CHST8: variants seen among roughly 807,000 people sequenced by gnomAD.
CHST8 encodes the protein GALNAC-4-ST1.
A neutral mutation model predicts 15.0 loss-of-function variants in CHST8; 10 were observed. The observed-to-expected ratio is 0.67, with a 90% CI of 0.41 to 1.13. The LOEUF (loss-of-function observed/expected upper bound fraction) is 1.13, where lower values mean the gene tolerates loss of function less well. Ranked by LOEUF, CHST8 falls within the 50% of genes most tolerant of loss-of-function variation. The pLI is 0.00. For synonymous variants in CHST8, 259 were observed against 256.6 expected (o/e 1.01, Z -0.09); for missense variants, 634 against 608.2 (o/e 1.04, Z -0.45).
In CHST8 at chr19:33,757,458, GAAAGAAAGAAAGAAAGAAA is replaced by G. The variant is rs1974588544; in HGVS notation, c.131-13954_131-13936del. ...AGAAAGAAAGAAAGAAAGAAAGAAA[GAAAGAAAGAAAGAAAGAAA>G]GAAAGAAAGAAAGAAAGAAAGAAAG... On this transcript the variant is annotated intron_variant, in intron 3 of 4. Coordinates refer to ENST00000650847, the MANE Select transcript of CHST8 (RefSeq NM_001127895.2). Among the ~76,000 whole-genome samples the G allele has an allele frequency of 2.4e-4, 9 of 36,738 alleles. 2 individuals carry two copies. The highest frequency in any genetic ancestry group is 3.4e-4 in the African/African-American group (3 of 8,844). The allele number at this position is 36,738 out of a possible 152,430, so 24.1% of individuals were successfully genotyped here. A position where few individuals can be genotyped will look rare whatever the true frequency, so the allele number is the denominator to read the frequency against.
chr19:33,721,389 C>G (rs1195640749), intron 3 of CHST8, among the ~76,000 whole-genome samples: 1 of 152,196 alleles, frequency 6.6e-6, no homozygotes, highest in Non-Finnish European at 1.5e-5. Context: ...CCTTCCCACA[C>G]TGCATCACCA....
intron 3 of CHST8, among the ~76,000 whole-genome samples, chr19:33,745,918 C>T (rs1974305807): frequency 6.6e-6 from 1 of 152,222 alleles, no homozygotes; most frequent in African/African-American, 2.4e-5. Context: ...ACCTCTGGCT[C>T]CCAGCCCCTG....
chr19:33,666,392 CT>C (rs1972661310), intron 1 of CHST8, among the ~76,000 whole-genome samples: 1 of 152,226 alleles, frequency 6.6e-6, no homozygotes, highest in Non-Finnish European at 1.5e-5. Context: ...GGGGAGAAAT[CT>C]GTCTGCCTCG....
chr19:33,674,399 T>G (rs1972783267), intron 2 of CHST8, among the ~76,000 whole-genome samples: 1 of 152,190 alleles, frequency 6.6e-6, no homozygotes, highest in Non-Finnish European at 1.5e-5. Flanking sequence ...GCTCAGCTAA[T>G]GAGGGGGTCT....
chr19:33,698,071 G>A (rs990026711), intron 3 of CHST8, among the ~76,000 whole-genome samples: 1 of 152,328 alleles, frequency 6.6e-6, no homozygotes, highest in African/African-American at 2.4e-5. Flanking sequence ...GAGGTCAGGA[G>A]TTAGAGACCA....
chr19:33,663,645 C>T (rs896547259), intron 1 of CHST8, among the ~76,000 whole-genome samples: 8 of 152,158 alleles, frequency 5.3e-5, no homozygotes, highest in Admixed American at 6.5e-5. Flanking sequence ...CAGAGGCAGG[C>T]GGATCACTTG....
intron 1 of CHST8, among the ~76,000 whole-genome samples, chr19:33,639,062 T>C (rs1032075084): frequency 6.9e-4 from 83 of 120,302 alleles, no homozygotes; most frequent in Non-Finnish European, 1.1e-3. Context: ...TCTCCAGTCC[T>C]AGCACACAGC....
intron 1 of CHST8, among the ~76,000 whole-genome samples, chr19:33,643,468 C>A (rs1972309701): frequency 6.6e-6 from 1 of 152,244 alleles, no homozygotes; most frequent in Non-Finnish European, 1.5e-5. Flanking sequence ...CTCTTCTAGC[C>A]ATTTCCCCAG....
intron 3 of CHST8, among the ~76,000 whole-genome samples, chr19:33,714,316 A>G (rs912412692): frequency 1.3e-5 from 2 of 151,258 alleles, no homozygotes; most frequent in African/African-American, 2.5e-5. Flanking sequence ...AATACTATGC[A>G]GCCATAAAAA....
intron 3 of CHST8, among the ~76,000 whole-genome samples, chr19:33,708,660 A>T (rs544737390): frequency 1.3e-5 from 2 of 152,254 alleles, no homozygotes; most frequent in Non-Finnish European, 2.9e-5. Flanking sequence ...CAGGAAGTGT[A>T]AATCCTTCAG....
chr19:33,750,561 G>A (rs541941797), intron 3 of CHST8, among the ~76,000 whole-genome samples: 40 of 152,176 alleles, frequency 2.6e-4, no homozygotes, highest in African/African-American at 8.4e-4. Flanking sequence ...TGCTGGAGGC[G>A]AGAGCCACTC....
rs147489839 is a variant in CHST8, at chr19:33,627,483, T to C, written c.-164+5187T>C. On this transcript the variant is annotated intron_variant, in intron 1 of 4. Transcript: ENST00000650847. The stretch of plus-strand genomic sequence containing the variant: ...CAGAAATGGACTAAGACAGTCCGTA[T>C]GCAGGCCTGGGGCTGGGGGCAGCAG... Among the ~76,000 whole-genome samples, 491 of 152,250 alleles carry C rather than the reference T, an allele frequency of 3.2e-3. 5 individuals carry two copies. The highest frequency in any genetic ancestry group is 0.011 in the African/African-American group (443 of 41,542).
intron 2 of CHST8, among the ~76,000 whole-genome samples, chr19:33,680,530 C>A (rs1229683832): frequency 6.6e-6 from 1 of 152,230 alleles, no homozygotes; most frequent in East Asian, 1.9e-4. Context: ...AGAAATTGAG[C>A]ATGCAAATAC....
At chr19:33,701,267 C>T (rs1973330945) in intron 3 of CHST8, among the ~76,000 whole-genome samples, 2 of 152,234 alleles carry the variant, frequency 1.3e-5, no homozygotes, top group South Asian at 4.1e-4. Context: ...TGGGTTCCTC[C>T]ACCCCCTGCA....
At chr19:33,709,676 C>G (rs1473465137) in intron 3 of CHST8, among the ~76,000 whole-genome samples, 1 of 151,338 alleles carries the variant, frequency 6.6e-6, no homozygotes, top group Non-Finnish European at 1.5e-5. Context: ...CTTTATCTGG[C>G]TTTGCTATCA....
chr19:33,702,187 TG>T, intron 3 of CHST8, among the ~76,000 whole-genome samples: 1 of 152,200 alleles, frequency 6.6e-6, no homozygotes, highest in East Asian at 1.9e-4. Flanking sequence ...TTGGCCAGGC[TG>T]GTCTCAAACT....
At chr19:33,761,091 G>C (rs1047073295) in intron 3 of CHST8, among the ~76,000 whole-genome samples, 9 of 152,250 alleles carry the variant, frequency 5.9e-5, no homozygotes, top group East Asian at 1.9e-4. Flanking sequence ...GGGAAGCAGA[G>C]ACAGGGCAAG....
intron 3 of CHST8, among the ~76,000 whole-genome samples, chr19:33,729,809 TAG>T (rs1356710689): frequency 6.6e-6 from 1 of 152,050 alleles, no homozygotes; most frequent in Admixed American, 6.6e-5. Context: ...GGCTGAAGGA[TAG>T]AGATTGTCGA....
chr19:33,723,457 T>C (rs569169869), intron 3 of CHST8, among the ~76,000 whole-genome samples: 35 of 152,314 alleles, frequency 2.3e-4, no homozygotes, highest in Non-Finnish European at 2.6e-4. Flanking sequence ...TTGGTTACCC[T>C]TGAGTCCTCT....
Sources: allele counts gnomAD v4.1 joint callset (sites outside exome capture counted in the v4.1 genomes callset), GRCh38; gene constraint gnomAD v4.1.1; transcripts MANE v1.5; gene names NCBI Gene and HGNC (gene_info 2026-07-23, HGNC 2026-07-21).